The following DOCK8 variants were observed in gnomAD, a reference collection of about 807,000 sequenced individuals.
DOCK8 encodes the protein dedicator of cytokinesis protein 8.
A neutral mutation model predicts 245.6 loss-of-function variants in DOCK8; 141 were observed. The ratio of observed to expected loss-of-function variants is 0.57; its 90% CI spans 0.50 to 0.66. DOCK8 has a LOEUF of 0.66. Among genes scored for constraint, DOCK8 ranks in the 30% least tolerant of loss-of-function variants. The probability of loss-of-function intolerance (pLI) is 0.00; values close to 1 mark genes in which losing one functional copy is unlikely to be tolerated. For synonymous variants in DOCK8, 1,168 were observed against 970.2 expected, an observed-to-expected ratio of 1.20 and a Z score of -3.79; for missense variants, 2,965 against 2,603.4, an observed-to-expected ratio of 1.14 and a Z score of -3.02.
At chr9:249,528 C>A (rs1055883720) in intron 1 of DOCK8, among the ~76,000 whole-genome samples, 1 of 152,084 alleles carries the variant, frequency 6.6e-6, no homozygotes, top group Non-Finnish European at 1.5e-5. Context: ...AAGAGTAATA[C>A]AATTCTTACT....
intron 1 of DOCK8, among the ~76,000 whole-genome samples, chr9:229,221 T>C (rs1381568057): frequency 6.6e-6 from 1 of 151,976 alleles, no homozygotes; most frequent in Non-Finnish European, 1.5e-5. Flanking sequence ...ATTAATACTA[T>C]CCCGTTTCAG....
At chr9:376,886 A>T (rs1349008045) in intron 19 of DOCK8, 91 bp from the exon 20 acceptor site, 60 of 1,137,862 alleles carry the variant, frequency 5.3e-5, no homozygotes, top group Non-Finnish European at 7.5e-5. Flanking sequence ...AAGAGGTTCT[A>T]CCCATAAAGA....
chr9:286,327 A>T, intron 2 of DOCK8, 134 bp from the exon 3 acceptor site: 1 of 960,900 alleles, frequency 1.0e-6, no homozygotes, highest in Non-Finnish European at 1.5e-6. Flanking sequence ...TCCTCCAAAG[A>T]GTCGCTCCGT....
chr9:381,593 A>G (rs906640669), intron 21 of DOCK8, among the ~76,000 whole-genome samples: 2 of 152,194 alleles, frequency 1.3e-5, no homozygotes, highest in African/African-American at 4.8e-5. Context: ...CCAAATAAAC[A>G]TGACACTTTT....
At chr9:296,135 T>C (rs937291068) in intron 4 of DOCK8, among the ~76,000 whole-genome samples, 2 of 152,220 alleles carry the variant, frequency 1.3e-5, no homozygotes, top group African/African-American at 2.4e-5. Flanking sequence ...ATAGTACTTT[T>C]CTCCCCATGA....
At chr9:272,655 G>C (rs1179592457) in intron 2 of DOCK8, among the ~76,000 whole-genome samples, 1 of 152,168 alleles carries the variant, frequency 6.6e-6, no homozygotes, top group East Asian at 1.9e-4. Context: ...CCAAAGTGCT[G>C]GGATTACAGT....
At chr9:302,784 A>C (rs778268659) in intron 4 of DOCK8, among the ~76,000 whole-genome samples, 1 of 152,170 alleles carries the variant, frequency 6.6e-6, no homozygotes. Context: ...ATACAAATCA[A>C]AACCACAGTG....
chr9:366,634 A>T (rs533445731), intron 14 of DOCK8: 108 of 152,348 alleles, frequency 7.1e-4, no homozygotes, highest in African/African-American at 2.5e-3. Flanking sequence ...TAAATAAATG[A>T]AAGGAGTTCT....
chr9:309,573 T>A (rs1203140441), intron 5 of DOCK8, among the ~76,000 whole-genome samples: 1 of 152,194 alleles, frequency 6.6e-6, no homozygotes, highest in Non-Finnish European at 1.5e-5. Context: ...ACAAAGACAT[T>A]CCTAATGGAA....
At chr9:371,736 C>A (rs963804530) in intron 17 of DOCK8, among the ~76,000 whole-genome samples, 170 bp downstream of exon 17, 1 of 152,194 alleles carries the variant, frequency 6.6e-6, no homozygotes, top group South Asian at 2.1e-4. Flanking sequence ...TAGCAAATGT[C>A]AAATTTCAGG....
intron 45 of DOCK8, among the ~76,000 whole-genome samples, chr9:451,035 A>C (rs2057414475): frequency 6.6e-6 from 1 of 152,156 alleles, no homozygotes; most frequent in Admixed American, 6.5e-5. Context: ...ATTCGGCGCC[A>C]GGCTCAGTGG....
chr9:437,216 C>T (rs10974433), intron 39 of DOCK8, among the ~76,000 whole-genome samples: 12,534 of 152,284 alleles, frequency 0.082, 585 homozygotes, highest in African/African-American at 0.12. Flanking sequence ...ACCTGCCATA[C>T]TGGACCTAGG....
Position 422,320 on chromosome 9 carries a change from G to C in DOCK8, c.4241+185G>C, listed in dbSNP as rs111753107. ...AAGGTATAGGGAGTTGTGGTTTCCA[G>C]CTCTTAAAAATTTGTCACATTGATA... is the stretch of plus-strand genomic sequence containing the variant. On this transcript the variant is annotated intron_variant, in intron 33 of 47. Transcript: ENST00000432829. 0.014 allele frequency among the ~76,000 whole-genome samples: 2,146 copies of C among 152,226 alleles called. 55 individuals carry two copies. Among genetic ancestry groups the C allele is most frequent in the African/African-American group, 0.049 (2,028 of 41,538 alleles).
chr9:370,401 T>A, intron 16 of DOCK8, 101 bp downstream of exon 16: 1 of 1,040,166 alleles, frequency 9.6e-7, no homozygotes, highest in Non-Finnish European at 1.5e-6. Flanking sequence ...TTTTTATAAT[T>A]CAGGGACTGA....
chr9:397,346 G>C (rs937537701), intron 25 of DOCK8, among the ~76,000 whole-genome samples: 1 of 83,066 alleles, frequency 1.2e-5, no homozygotes, highest in African/African-American at 4.4e-5. Flanking sequence ...GTGAGACTCT[G>C]TCTCAAAAAA....
intron 28 of DOCK8, 145 bp from the exon 29 acceptor site, chr9:414,637 G>A (rs1389479484): frequency 3.2e-6 from 3 of 924,216 alleles, no homozygotes; most frequent in Admixed American, 3.8e-5. Flanking sequence ...TCTGTTTCTG[G>A]ATTCTATGTA....
Position 347,076 on chromosome 9 carries a change from C to A in DOCK8, c.1679+6755C>A, listed in dbSNP as rs1035197428. Among the ~76,000 whole-genome samples, 5 of 152,066 alleles carry A rather than the reference C, an allele frequency of 3.3e-5. No individual in the cohort carries two copies. The South Asian group carries it at 8.3e-4, about 25-fold the overall frequency. On this transcript the variant is annotated intron_variant, in intron 14 of 47. Coordinates refer to ENST00000432829, the MANE Select transcript of DOCK8 (RefSeq NM_203447.4). ...AGTGTCCAGCCCCACCCTGAAGACT[C>A]CCATTCAGGTGGTCTGGGATGGGGC...
intron 14 of DOCK8, chr9:340,740 G>T (rs2130926982): frequency 5.4e-6 from 1 of 186,244 alleles, no homozygotes. Flanking sequence ...TAAGTTTCAG[G>T]GAAATGAAAT....
At chr9:398,360 A>G (rs2054562721) in intron 25 of DOCK8, among the ~76,000 whole-genome samples, 1 of 152,214 alleles carries the variant, frequency 6.6e-6, no homozygotes, top group East Asian at 1.9e-4. Flanking sequence ...ACTGGTCAGC[A>G]TGGCCTGAAT....
Sources: gnomAD v4.1 joint callset for allele counts (sites outside exome capture counted in the v4.1 genomes callset) on GRCh38, gnomAD v4.1.1 for gene constraint, MANE v1.5 for transcripts, NCBI Gene and HGNC (gene_info 2026-07-23, HGNC 2026-07-21) for gene names.